The following PTPRA variants were observed in gnomAD, a reference collection of about 807,000 sequenced individuals.
PTPRA encodes protein tyrosine phosphatase receptor type A.
In PTPRA, 25 loss-of-function variants were observed where a neutral mutation model predicts 104.8. That is an observed-to-expected ratio of 0.24 (90% CI 0.17 to 0.33). The LOEUF (loss-of-function observed/expected upper bound fraction) is 0.33. Ranked by LOEUF, PTPRA falls within the 10% of genes least tolerant of loss-of-function variation. The pLI, the probability that PTPRA is intolerant of heterozygous loss-of-function variation, is 1.00. For missense variants in PTPRA, 765 were observed against 1,015.3 expected, an observed-to-expected ratio of 0.75 and a Z score of 3.35; for synonymous variants, 323 against 368.9, an observed-to-expected ratio of 0.88 and a Z score of 1.43.
intron 2 of PTPRA, among the ~76,000 whole-genome samples, chr20:2,939,680 A>G (rs193023646): frequency 6.6e-6 from 1 of 152,308 alleles, no homozygotes; most frequent in East Asian, 1.9e-4. Flanking sequence ...CAAACCAAAC[A>G]AAAAAGTAGG....
chr20:2,867,282 G>A, the PTPRA span, among the ~76,000 whole-genome samples: 19 of 152,310 alleles, frequency 1.2e-4, no homozygotes, highest in South Asian at 2.1e-4. Flanking sequence ...TGTGGCCTGC[G>A]GGCCATAGGG....
At chr20:2,917,478 C>T (rs183499540) in intron 1 of PTPRA, among the ~76,000 whole-genome samples, 17 of 152,230 alleles carry the variant, frequency 1.1e-4, no homozygotes, top group Non-Finnish European at 1.9e-4. Context: ...AACAAATGCT[C>T]CTGGGCCCAA....
At chr20:2,995,799 G>C (rs1385250753) in intron 9 of PTPRA, among the ~76,000 whole-genome samples, 1 of 152,098 alleles carries the variant, frequency 6.6e-6, no homozygotes, top group African/African-American at 2.4e-5. Flanking sequence ...TATTGGAGCT[G>C]GGTTATTTCT....
At chr20:3,030,531 A>G (rs1442626219) in intron 20 of PTPRA, among the ~76,000 whole-genome samples, 1 of 152,118 alleles carries the variant, frequency 6.6e-6, no homozygotes, top group Non-Finnish European at 1.5e-5. Context: ...ATGCAATGAA[A>G]GGTGCCTACA....
intron 1 of PTPRA, among the ~76,000 whole-genome samples, chr20:2,904,007 C>G (rs924584582): frequency 6.6e-6 from 1 of 151,996 alleles, no homozygotes; most frequent in Non-Finnish European, 1.5e-5. Flanking sequence ...TGGGCTCCAG[C>G]AGTCCTCCCG....
intron 9 of PTPRA, among the ~76,000 whole-genome samples, chr20:2,989,750 G>C (rs549811908): frequency 6.6e-6 from 1 of 152,144 alleles, no homozygotes; most frequent in Admixed American, 6.5e-5. Context: ...GGGCACGGTG[G>C]CTCACGCCTG....
chr20:2,994,423 G>C (rs60040561), intron 9 of PTPRA, among the ~76,000 whole-genome samples: 1 of 152,130 alleles, frequency 6.6e-6, no homozygotes, highest in Non-Finnish European at 1.5e-5. Context: ...AGCCATAAAC[G>C]TCTGATCATG....
At chr20:2,932,750 A>G (rs1224254600) in intron 2 of PTPRA, among the ~76,000 whole-genome samples, 1 of 152,222 alleles carries the variant, frequency 6.6e-6, no homozygotes, top group East Asian at 1.9e-4. Context: ...ACTCCTAAGC[A>G]GTAGTTGGCA....
rs1555801940 is a variant in PTPRA, at chr20:2,910,595, T to TTG, written c.-128-12611_-128-12610insGT. On this transcript the variant is annotated intron_variant, in intron 1 of 23. Coordinates refer to ENST00000399903, the MANE Select transcript of PTPRA (RefSeq NM_001385305.1). ...CCCAGCTAGTTTTTTTTTTGTTTTTTTTTTGTTTTTTTTAATTTTTTTTTT... is the reference window on the plus strand; with the variant it reads ...CCCAGCTAGTTTTTTTTTTGTTTTTTTGTTTTGTTTTTTTTAATTTTTTTTTT... Among the ~76,000 whole-genome samples, 35 of 126,080 alleles carry TTG rather than the reference T, an allele frequency of 2.8e-4. 2 individuals carry two copies. The highest frequency in any genetic ancestry group is 1.1e-3 in the African/African-American group (33 of 30,538). The allele number at this position is 126,080 out of a possible 152,430, so 82.7% of individuals were successfully genotyped here. A position where few individuals can be genotyped will look rare whatever the true frequency, so the allele number is the denominator to read the frequency against.
intron 9 of PTPRA, among the ~76,000 whole-genome samples, chr20:2,992,760 G>A (rs538036570): frequency 2.0e-5 from 3 of 152,270 alleles, no homozygotes; most frequent in African/African-American, 7.2e-5. Context: ...TCTGTGGCCT[G>A]GATCAGCAGG....
At chr20:2,990,988 G>A (rs1468105276) in intron 9 of PTPRA, among the ~76,000 whole-genome samples, 1 of 152,186 alleles carries the variant, frequency 6.6e-6, no homozygotes, top group Admixed American at 6.5e-5. Flanking sequence ...AGAGTTAACA[G>A]AATAGCTTGG....
At chr20:2,894,506 C>T (rs1351217769) in intron 1 of PTPRA, among the ~76,000 whole-genome samples, 2 of 151,986 alleles carry the variant, frequency 1.3e-5, no homozygotes, top group Non-Finnish European at 2.9e-5. Flanking sequence ...TGGAGTCTTG[C>T]TGTGTTGCTT....
chr20:2,961,782 T>C lies in PTPRA; in HGVS notation c.-6-2490T>C, dbSNP rs185192898. Among the ~76,000 whole-genome samples the C allele has an allele frequency of 9.1e-4, 138 of 152,354 alleles. 1 individual carries two copies. The East Asian group carries it at 0.024, about 26-fold the overall frequency. On this transcript the variant is annotated intron_variant, in intron 3 of 23. Coordinates refer to ENST00000399903, the MANE Select transcript of PTPRA (RefSeq NM_001385305.1). Reference sequence around the variant, plus strand: ...GGTCTATGATTCATTTTTAGTTAAATTTTTGTGAAAGATAATAAGGTCTGA... The same window carrying C: ...GGTCTATGATTCATTTTTAGTTAAACTTTTGTGAAAGATAATAAGGTCTGA...
chr20:2,928,623 A>C (rs955509311), intron 2 of PTPRA, among the ~76,000 whole-genome samples: 16 of 152,106 alleles, frequency 1.1e-4, no homozygotes, highest in African/African-American at 3.6e-4. Context: ...GGAATTCCAT[A>C]GAGGTGTACT....
chr20:2,873,688 C>G lies in PTPRA; in HGVS notation c.-201C>G. The G allele has an allele frequency of 6.6e-6, 1 of 151,104 alleles. No homozygotes were observed. Among genetic ancestry groups the G allele is most frequent in the South Asian group, 2.1e-4 (1 of 4,822 alleles). 9.4% of individuals were successfully genotyped at this position (151,104 alleles called of 1,614,324 possible). On this transcript the variant is annotated 5_prime_UTR_variant, in exon 1 of 24. Coordinates refer to ENST00000399903, the MANE Select transcript of PTPRA (RefSeq NM_001385305.1). The surrounding 1 kb of genome is among the most constrained non-coding windows in gnomAD (Gnocchi z 4.4). Reference sequence around the variant, plus strand: ...GGCGGCCCTGAGGGCTAGTGGCGGCCCGAAACGCCGCCGCGGAGCCGAGGC... The same window carrying G: ...GGCGGCCCTGAGGGCTAGTGGCGGCGCGAAACGCCGCCGCGGAGCCGAGGC...
chr20:2,921,757 A>G (rs1011119674), intron 1 of PTPRA, among the ~76,000 whole-genome samples: 3 of 152,138 alleles, frequency 2.0e-5, no homozygotes, highest in Non-Finnish European at 2.9e-5. Context: ...ATGTTTGGGT[A>G]TAGGGAGCCA....
chr20:3,026,840 C>T, intron 18 of PTPRA, 60 bp downstream of exon 18: 12 of 1,393,374 alleles, frequency 8.6e-6, no homozygotes, highest in Non-Finnish European at 1.2e-5. Flanking sequence ...CCCTCCACCC[C>T]TTCCATTTCT....
chr20:3,012,451 A>C (rs2064220721), intron 11 of PTPRA, among the ~76,000 whole-genome samples: 1 of 152,268 alleles, frequency 6.6e-6, no homozygotes. Flanking sequence ...TCCAGCATAC[A>C]GTTGGTCATA....
chr20:3,019,915 A>C (rs967569310), intron 13 of PTPRA, among the ~76,000 whole-genome samples: 1 of 152,146 alleles, frequency 6.6e-6, no homozygotes, highest in African/African-American at 2.4e-5. Flanking sequence ...CCACCAAAAA[A>C]ATACGAAAAC....
Sources: gnomAD v4.1 joint callset for allele counts (sites outside exome capture counted in the v4.1 genomes callset) on GRCh38, gnomAD v4.1.1 for gene constraint, Gnocchi (gnomAD v3.1) non-coding constraint, MANE v1.5 for transcripts, NCBI Gene and HGNC (gene_info 2026-07-23, HGNC 2026-07-21) for gene names.